CA14: variants seen among roughly 807,000 people sequenced by gnomAD.
CA14 encodes carbonic anhydrase 14.
In CA14, 44 loss-of-function variants were observed where a neutral mutation model predicts 48.8. The ratio of observed to expected loss-of-function variants is 0.90; its 90% confidence interval spans 0.71 to 1.16. The LOEUF is 1.16. CA14 is among the 50% of genes most tolerant of loss of function. The pLI is 0.00. For synonymous variants in CA14, 154 were observed against 155.0 expected, an observed-to-expected ratio of 0.99 and a Z score of 0.05; for missense variants, 386 against 401.0, an observed-to-expected ratio of 0.96 and a Z score of 0.32.
At position 150,258,178 on chromosome 1, in the gene CA14, AT is replaced by A. The variant is rs1553847117; in HGVS notation, c.51del (p.Asp17GlufsTer39). On this transcript the variant is annotated frameshift_variant, in exon 1 of 11. Coordinates refer to ENST00000369111, the MANE Select transcript of CA14 (RefSeq NM_012113.3). LOFTEE classifies it high-confidence loss of function. ...GAGGTGATTTGGATCCTGGCTGCAG[AT>A]GGGGGTAGGTACAACTAAATGTCTG... The part of the protein sequence containing the change: ...LLEVIWILAA[D>X]GGQHWTYEGP... The A allele has an allele frequency of 1.2e-6, 2 of 1,610,700 alleles. No individual in the cohort carries two copies. The highest frequency in any genetic ancestry group is 2.2e-5 in the South Asian group (2 of 90,632).
chr1:150,258,778 T>C (rs1650757269), intron 1 of CA14, among the ~76,000 whole-genome samples: 1 of 152,170 alleles, frequency 6.6e-6, no homozygotes, highest in African/African-American at 2.4e-5. Context: ...TGAGGAGGGA[T>C]TCTTGGGAGA....
At chr1:150,262,081 CA>C in intron 3 of CA14, 76 bp from the exon 4 acceptor site, 21 of 1,574,870 alleles carry the variant, frequency 1.3e-5, no homozygotes, top group Non-Finnish European at 1.7e-5. Flanking sequence ...CCAAGTCTCC[CA>C]AGAAGTGGTG....
rs587769091 is a variant in CA14 at position 150,263,173 on chromosome 1, A to G, written c.694A>G (p.Arg232Gly). The G allele has an allele frequency of 6.2e-7, 1 of 1,614,144 alleles. No individual in the cohort carries two copies. Among genetic ancestry groups the G allele is most frequent in the Admixed American group, 1.7e-5 (1 of 60,000 alleles). The change falls in exon 7 of 11, where the codon AGA (arginine) becomes GGA (glycine). Residue 232 changes from arginine (R) to glycine (G), a missense_variant. Transcript: ENST00000369111. ...GAGTGTGCTCTGGACAGTTTTTTAT[A>G]GAAGGTCCCAGATTTCAATGGAACA... ...YQSVLWTVFY[R>G]RSQISMEQLE...
rs587675721 is a variant in CA14 at position 150,262,314 on chromosome 1, A to G, written c.399+14A>G. On this transcript the variant is annotated intron_variant, in intron 4 of 10. Transcript: ENST00000369111. The stretch of plus-strand genomic sequence containing the variant: ...ACATTTGCAGAGGTACCAGGGAACA[A>G]AGAGCTGGGACTCAGACAAAGTAAC... 190 of 1,586,248 alleles carry G rather than the reference A, an allele frequency of 1.2e-4. No individual in the cohort carries two copies. Among genetic ancestry groups the G allele is most frequent in the Middle Eastern group, 1.7e-4 (1 of 5,884 alleles).
chr1:150,260,125 G>A (rs1034327050), intron 1 of CA14, 26 bp from the exon 2 acceptor site: 8 of 1,612,690 alleles, frequency 5.0e-6, no homozygotes, highest in Non-Finnish European at 5.9e-6. Context: ...TGCGCTGGCT[G>A]TAACCCAAAC....
chr1:150,261,494 C>G lies in CA14; in HGVS notation c.112C>G (p.Pro38Ala), dbSNP rs1651025086. ...TCAGGACCATTGGCCAGCCTCTTAC[C>G]CTGAGTGTGGAAACAATGCCCAGTC... is the stretch of plus-strand genomic sequence containing the variant. ...HGQDHWPASY[P>A]ECGNNAQSPI... The change falls in exon 3 of 11, where the codon CCT becomes GCT. Residue 38 changes from proline (P) to alanine (A), a missense_variant. Pro to Ala is a conservative substitution (Grantham distance 27, BLOSUM62 -1). Coordinates refer to ENST00000369111, the MANE Select transcript of CA14 (RefSeq NM_012113.3). 6.2e-7 allele frequency: 1 copy of G among 1,614,036 alleles called. No individual in the cohort carries two copies. Among genetic ancestry groups the G allele is most frequent in the African/African-American group, 1.3e-5 (1 of 74,904 alleles).
rs587747055 is a variant in CA14 at position 150,261,762 on chromosome 1, A to G, written c.256+124A>G. On this transcript the variant is annotated intron_variant, in intron 3 of 10. Transcript: ENST00000369111. ...CATGCGTAAGATGTGCCGCCCTCAA[A>G]TCTTGTCAAGATGTTGGCACATTAC... 189 of 858,286 alleles carry G rather than the reference A, an allele frequency of 2.2e-4. 4 individuals are homozygous for G. In the South Asian group the frequency reaches 3.1e-3, roughly 14 times the overall value. 53.2% of individuals were successfully genotyped at this position (858,286 alleles called of 1,614,324 possible).
Position 150,258,046 on chromosome 1 carries a change from C to A in CA14, c.-83C>A. ...TCGCTCGCTCTCTCTCTCTCTCTCT[C>A]ACTCCTCCCTCCCTCTCTCTCTGCC... On this transcript the variant is annotated 5_prime_UTR_variant, in exon 1 of 11. Coordinates refer to ENST00000369111, the MANE Select transcript of CA14 (RefSeq NM_012113.3). 9.8e-7 allele frequency: 1 copy of A among 1,015,244 alleles called. No homozygotes were observed. The highest frequency in any genetic ancestry group is 1.5e-6 in the Non-Finnish European group (1 of 689,272). The allele number at this position is 1,015,244 out of a possible 1,614,324, so 62.9% of individuals were successfully genotyped here.
chr1:150,261,661 G>C, intron 3 of CA14, 23 bp downstream of exon 3: 2 of 1,608,204 alleles, frequency 1.2e-6, no homozygotes. Context: ...GCTCCAAGGA[G>C]TTGTAGGCTC....
chr1:150,264,014 C>T, intron 10 of CA14, 136 bp downstream of exon 10: 1 of 685,326 alleles, frequency 1.5e-6, no homozygotes, highest in Non-Finnish European at 2.5e-6. Flanking sequence ...CAACCTCTGC[C>T]TTCTGGGTTC....
At chr1:150,261,379 A>G (rs1651014726) in intron 2 of CA14, 80 bp from the exon 3 acceptor site, 2 of 1,287,666 alleles carry the variant, frequency 1.6e-6, no homozygotes, top group Non-Finnish European at 1.1e-6. Flanking sequence ...TGGTTAGGGG[A>G]AGGGTCAAAG....
chr1:150,263,843 T>C lies in CA14; in HGVS notation c.912T>C (p.Leu304=). ...GVGILVGCLC[L]LLAVYFIARK... ...GAATCTTGGTTGGCTGTCTCTGCCTTCTCCTGGCTGTTTATTTCATTGCTA... is the reference window on the plus strand; with the variant it reads ...GAATCTTGGTTGGCTGTCTCTGCCTCCTCCTGGCTGTTTATTTCATTGCTA... Residue 304 remains leucine, a synonymous_variant, in exon 10 of 11, where the codon CTT becomes CTC. Coordinates refer to ENST00000369111, the MANE Select transcript of CA14 (RefSeq NM_012113.3). 8 of 1,613,882 alleles carry C rather than the reference T, an allele frequency of 5.0e-6. No individual in the cohort carries two copies. Among genetic ancestry groups the C allele is most frequent in the Non-Finnish European group, 6.8e-6 (8 of 1,179,908 alleles).
chr1:150,263,959 T>C (rs1651393184), intron 10 of CA14, 81 bp downstream of exon 10: 1 of 1,006,300 alleles, frequency 9.9e-7, no homozygotes, highest in South Asian at 1.5e-5. Context: ...AGTCTTGCTC[T>C]GTTACTCAGT....
chr1:150,263,274 C>A, intron 7 of CA14, 25 bp from the exon 8 acceptor site: 2 of 1,613,946 alleles, frequency 1.2e-6, no homozygotes, highest in Non-Finnish European at 1.7e-6. Context: ...CAAAGTAACA[C>A]CTCTCCCACG....
chr1:150,261,717 G>A, intron 3 of CA14, 79 bp downstream of exon 3: 1 of 1,326,160 alleles, frequency 7.5e-7, no homozygotes. Flanking sequence ...TCATGGGCAT[G>A]ATGATGGGGT....
At chr1:150,263,636 T>C (rs370494258) in intron 8 of CA14, 23 bp from the exon 9 acceptor site, 15 of 1,613,604 alleles carry the variant, frequency 9.3e-6, no homozygotes, top group African/African-American at 1.3e-5. Context: ...GAAGTCCCAC[T>C]GACCCATTTT....
chr1:150,259,702 C>T (rs1299407826), intron 1 of CA14, among the ~76,000 whole-genome samples: 1 of 152,050 alleles, frequency 6.6e-6, no homozygotes, highest in East Asian at 1.9e-4. Context: ...AGTAGCACCC[C>T]CCAACACACA....
rs782784174 is a variant in CA14 at position 150,261,632 on chromosome 1, C to T, written c.250C>T (p.His84Tyr). 1 of 1,613,644 alleles carries T rather than the reference C, an allele frequency of 6.2e-7. No individual in the cohort carries two copies. The highest frequency in any genetic ancestry group is 8.5e-7 in the Non-Finnish European group (1 of 1,179,730). Residue 84 changes from histidine to tyrosine, a missense_variant, in exon 3 of 11, where the codon CAC becomes TAC. Physicochemically the swap from His to Tyr is moderately conservative, Grantham distance 83. Coordinates refer to ENST00000369111, the MANE Select transcript of CA14 (RefSeq NM_012113.3). ...TEPLDLHNNG[H>Y]TVQLSLPSTL... ...GCCTTTGGACCTGCACAACAATGGC[C>T]ACACAGGTAAAAGCACAGGCTCCAA...
rs181408235 is a variant in CA14, at chr1:150,262,316, G to A, written c.399+16G>A. ...ATTTGCAGAGGTACCAGGGAACAAA[G>A]AGCTGGGACTCAGACAAAGTAACAG... is the stretch of plus-strand genomic sequence containing the variant. On this transcript the variant is annotated intron_variant, in intron 4 of 10. Transcript: ENST00000369111. 3.2e-6 allele frequency: 5 copies of A among 1,584,890 alleles called. 1 individual carries two copies. The highest frequency in any genetic ancestry group is 1.8e-5 in the Admixed American group (1 of 56,432).
Sources: gnomAD v4.1 joint callset for allele counts (sites outside exome capture counted in the v4.1 genomes callset) on GRCh38, gnomAD v4.1.1 for gene constraint, MANE v1.5 for transcripts, NCBI Gene and HGNC (gene_info 2026-07-23, HGNC 2026-07-21) for gene names.